The following PROSER2 variants were observed in gnomAD, a reference collection of about 807,000 sequenced individuals.
PROSER2 encodes proline and serine rich 2.
PROSER2 carries 18 observed loss-of-function variants against 14.6 expected under a neutral mutation model. The observed-to-expected ratio is 1.23, with a 90% confidence interval of 0.85 to 1.83. The LOEUF is 1.83. Ranked by LOEUF, PROSER2 falls within the 40% of genes most tolerant of loss-of-function variation. The pLI is 0.00. For synonymous variants in PROSER2, 367 were observed against 286.4 expected (o/e 1.28, Z -2.84); for missense variants, 823 against 629.8 (o/e 1.31, Z -3.28).
Position 11,856,244 on chromosome 10 carries a change from G to A in PROSER2, c.138+4029G>A, listed in dbSNP as rs528869771. 6.6e-5 allele frequency among the ~76,000 whole-genome samples: 10 copies of A among 152,146 alleles called. No individual in the cohort carries two copies. The highest frequency in any genetic ancestry group is 1.3e-4 in the Non-Finnish European group (9 of 68,032). On this transcript the variant is annotated intron_variant, in intron 2 of 3. Coordinates refer to ENST00000277570, the MANE Select transcript of PROSER2 (RefSeq NM_153256.4). This position sits in a 1 kb window ranked among gnomAD's most constrained non-coding sequence, Gnocchi z 5.3. ...CTCCATGGCTGCTGCAGGCGGCTCT[G>A]GGTGTTTGGTTACCACCGTCACCCT... is the stretch of plus-strand genomic sequence containing the variant.
Position 11,852,210 on chromosome 10 carries a change from A to G in PROSER2, c.133A>G (p.Thr45Ala). 6.2e-7 allele frequency: 1 copy of G among 1,603,156 alleles called. No homozygotes were observed. Among genetic ancestry groups the G allele is most frequent in the Non-Finnish European group, 8.5e-7 (1 of 1,173,584 alleles). ...CAGCAGCTCTCGCTCCAGAAGCTTC[A>G]CTTTGGTGAGTGACAGTTTTTCTTT... ...RSSSSRSRSFTLDDESLKYLT... is the reference protein window; with the variant it reads ...RSSSSRSRSFALDDESLKYLT... The change falls in exon 2 of 4, where the codon ACT (threonine) becomes GCT (alanine). Residue 45 changes from threonine (T) to alanine (A), a missense_variant. Physicochemically the swap from Thr to Ala is moderately conservative, Grantham distance 58. Coordinates refer to ENST00000277570, the MANE Select transcript of PROSER2 (RefSeq NM_153256.4).
At chr10:11,834,114 G>A (rs1244615458) in intron 1 of PROSER2, among the ~76,000 whole-genome samples, 1 of 145,438 alleles carries the variant, frequency 6.9e-6, no homozygotes, top group East Asian at 2.1e-4. Context: ...CCTGCTTCAG[G>A]TTCCCAAATA....
intron 1 of PROSER2, among the ~76,000 whole-genome samples, chr10:11,848,926 C>G (rs943216215): frequency 3.9e-5 from 6 of 152,108 alleles, no homozygotes; most frequent in East Asian, 3.9e-4. Context: ...TGGTGGCTCA[C>G]GCCTGTAATC....
rs149045523 is a variant in PROSER2, at chr10:11,837,206, T to G, written c.-82+13736T>G. The stretch of plus-strand genomic sequence containing the variant: ...TGAAAAGATGTGAAAGTTCTGAACT[T>G]GGAGAAGAAAAAAAAATCAAATGCT... On this transcript the variant is annotated intron_variant, in intron 1 of 3. Transcript: ENST00000277570. The surrounding 1 kb of genome is among the most constrained non-coding windows in gnomAD (Gnocchi z 4.6). 1.2e-3 allele frequency among the ~76,000 whole-genome samples: 177 copies of G among 152,152 alleles called. No homozygotes were observed. Among genetic ancestry groups the G allele is most frequent in the Non-Finnish European group, 2.1e-3 (145 of 67,994 alleles).
intron 2 of PROSER2, among the ~76,000 whole-genome samples, chr10:11,853,718 T>C (rs745476972): frequency 1.3e-5 from 2 of 152,206 alleles, no homozygotes; most frequent in Non-Finnish European, 2.9e-5. Context: ...TGCTCCTCCT[T>C]CCATCTCCTT....
intron 2 of PROSER2, among the ~76,000 whole-genome samples, chr10:11,860,559 G>A (rs1248246593): frequency 6.6e-6 from 1 of 151,928 alleles, no homozygotes; most frequent in East Asian, 1.9e-4. Flanking sequence ...AGATTGCAGT[G>A]AGCCAAGATC....
chr10:11,861,960 G>C (rs938548184), intron 2 of PROSER2, among the ~76,000 whole-genome samples: 1 of 152,240 alleles, frequency 6.6e-6, no homozygotes, highest in Admixed American at 6.5e-5. Context: ...TAAAGAGCCA[G>C]ATCTGTGCAT....
chr10:11,824,072 G>T (rs1833578702), intron 1 of PROSER2, among the ~76,000 whole-genome samples: 1 of 152,218 alleles, frequency 6.6e-6, no homozygotes, highest in African/African-American at 2.4e-5. Context: ...TTTCTCCAAG[G>T]CTTTGAAAGT....
intron 2 of PROSER2, among the ~76,000 whole-genome samples, chr10:11,860,398 C>T (rs1485649170): frequency 6.6e-6 from 1 of 151,482 alleles, no homozygotes; most frequent in Non-Finnish European, 1.5e-5. Context: ...GGGTGGATCA[C>T]GAGGTCAGGA....
chr10:11,842,700 G>T (rs773315786), intron 1 of PROSER2, among the ~76,000 whole-genome samples: 4 of 151,712 alleles, frequency 2.6e-5, no homozygotes, highest in Admixed American at 6.6e-5. Context: ...TAGCCGACTC[G>T]CTCTGTTTTT....
chr10:11,846,674 A>C (rs1833927471), intron 1 of PROSER2, among the ~76,000 whole-genome samples: 1 of 152,232 alleles, frequency 6.6e-6, no homozygotes, highest in African/African-American at 2.4e-5. Flanking sequence ...CCAGCACTGA[A>C]ACAGCTTTGA....
chr10:11,860,485 G>A (rs890406037), intron 2 of PROSER2, among the ~76,000 whole-genome samples: 10 of 151,900 alleles, frequency 6.6e-5, no homozygotes, highest in Admixed American at 3.9e-4. Flanking sequence ...GCGTGGTGGC[G>A]GGTGCCTGTA....
In PROSER2 at chr10:11,830,941, C is replaced by A. The variant is rs79496333; in HGVS notation, c.-82+7471C>A. Among the ~76,000 whole-genome samples, 3,320 of 152,166 alleles carry A rather than the reference C, an allele frequency of 0.022. 120 individuals carry two copies. The highest frequency in any genetic ancestry group is 0.075 in the African/African-American group (3,130 of 41,480). On this transcript the variant is annotated intron_variant, in intron 1 of 3. Transcript: ENST00000277570. The surrounding 1 kb of genome is among the most constrained non-coding windows in gnomAD (Gnocchi z 4.5). ...GCCCAGAGAGGAGGTGGTTACTGGCCTCACCTTACTGACATCATCCATCAT... is the reference window on the plus strand; with the variant it reads ...GCCCAGAGAGGAGGTGGTTACTGGCATCACCTTACTGACATCATCCATCAT...
intron 1 of PROSER2, among the ~76,000 whole-genome samples, chr10:11,842,931 CTTTTTTTTTTTTTTTTT>C (rs558283551): frequency 1.9e-5 from 1 of 51,956 alleles, no homozygotes; most frequent in Admixed American, 2.7e-4. Flanking sequence ...TGCCATTGTT[CTTTTTTTTTTTTTTTTT>C]TTTTTTTTTT....
At chr10:11,831,896 G>C (rs1237582287) in intron 1 of PROSER2, 1 of 152,094 alleles carries the variant, frequency 6.6e-6, no homozygotes, top group Non-Finnish European at 1.5e-5. Flanking sequence ...GTGTGGCTGG[G>C]AGTAAATCAC....
chr10:11,868,878 T>C (rs2131097390), intron 3 of PROSER2, among the ~76,000 whole-genome samples: 1 of 152,320 alleles, frequency 6.6e-6, no homozygotes, highest in Admixed American at 6.5e-5. Context: ...CTTGAACTTC[T>C]GGCCTCAAGT....
Position 11,869,992 on chromosome 10 carries a change from C to T in PROSER2, c.894C>T (p.Ala298=). 3.3e-5 allele frequency: 42 copies of T among 1,267,100 alleles called. No individual in the cohort carries two copies. The highest frequency in any genetic ancestry group is 4.1e-5 in the Non-Finnish European group (41 of 1,009,138). The allele number at this position is 1,267,100 out of a possible 1,614,324, so 78.5% of individuals were successfully genotyped here. A position where few individuals can be genotyped will look rare whatever the true frequency, so the allele number is the denominator to read the frequency against. The change falls in exon 4 of 4, where the codon GCC becomes GCT. Residue 298 remains alanine, a synonymous_variant. Coordinates refer to ENST00000277570, the MANE Select transcript of PROSER2 (RefSeq NM_153256.4). The surrounding 1 kb of genome is among the most constrained non-coding windows in gnomAD (Gnocchi z 4.4). ...TIHGHAGAFP[A]AGDAGEGAPG... ...ACGGCCACGCCGGCGCCTTCCCCGC[C>T]GCGGGGGACGCCGGCGAGGGGGCCC...
At chr10:11,844,050 G>T (rs907581515) in intron 1 of PROSER2, among the ~76,000 whole-genome samples, 2 of 152,094 alleles carry the variant, frequency 1.3e-5, no homozygotes, top group African/African-American at 4.8e-5. Context: ...GGAGTCCAGT[G>T]GCATGATCAC....
intron 3 of PROSER2, among the ~76,000 whole-genome samples, chr10:11,867,070 C>G (rs1286186424): frequency 6.6e-6 from 1 of 151,938 alleles, no homozygotes; most frequent in Non-Finnish European, 1.5e-5. Context: ...TGAGACCATC[C>G]TGACTAACAC....
Sources: gnomAD v4.1 joint callset for allele counts (sites outside exome capture counted in the v4.1 genomes callset) on GRCh38, gnomAD v4.1.1 for gene constraint, Gnocchi (gnomAD v3.1) non-coding constraint, MANE v1.5 for transcripts, NCBI Gene and HGNC (gene_info 2026-07-23, HGNC 2026-07-21) for gene names.